The following AQR variants were observed in gnomAD, a reference collection of about 807,000 sequenced individuals.
AQR encodes RNA helicase aquarius.
Under a neutral mutation model 180.5 loss-of-function variants are expected in AQR, and 61 were observed. The ratio of observed to expected loss-of-function variants is 0.34; its 90% CI spans 0.28 to 0.42. AQR has a LOEUF of 0.42. Among genes scored for constraint, AQR ranks in the 10% least tolerant of loss-of-function variants. The probability of loss-of-function intolerance (pLI) is 1.00; values close to 1 mark genes in which losing one functional copy is unlikely to be tolerated. For synonymous variants in AQR, 551 were observed against 588.8 expected (o/e 0.94, Z 0.93); for missense variants, 1,281 against 1,798.3 (o/e 0.71, Z 5.20).
chr15:34,935,127 T>A (rs1006380941), intron 9 of AQR, among the ~76,000 whole-genome samples: 8 of 152,090 alleles, frequency 5.3e-5, no homozygotes, highest in African/African-American at 1.9e-4. Flanking sequence ...ATTTTTATTA[T>A]TTTTTTCCAC....
intron 10 of AQR, among the ~76,000 whole-genome samples, chr15:34,933,304 A>C (rs1566992243): frequency 6.6e-6 from 1 of 152,184 alleles, no homozygotes; most frequent in Admixed American, 6.5e-5. Context: ...GCTAATACTC[A>C]TATCAAAAAA....
chr15:34,960,701 C>T, intron 3 of AQR, 73 bp downstream of exon 3: 1 of 668,248 alleles, frequency 1.5e-6, no homozygotes, highest in Non-Finnish European at 2.5e-6. Context: ...GTTATGATCA[C>T]ATTTAGAAGT....
At chr15:34,953,512 T>G (rs1397885535) in intron 3 of AQR, among the ~76,000 whole-genome samples, 4 of 152,240 alleles carry the variant, frequency 2.6e-5, no homozygotes, top group Non-Finnish European at 5.9e-5. Flanking sequence ...ACCACTATCC[T>G]GTCAAAAATC....
Position 34,884,507 on chromosome 15 carries a change from G to T in AQR, c.3027+18C>A, listed in dbSNP as rs759213466. On this transcript the variant is annotated intron_variant, in intron 26 of 34. Transcript: ENST00000156471. ...AAAAACCACTAAAGGGAAGTTCAAA[G>T]AACTTGAGAATCCTTACCTCAAGCT... The T allele has an allele frequency of 1.3e-6, 2 of 1,541,128 alleles. No homozygotes were observed. Among genetic ancestry groups the T allele is most frequent in the Non-Finnish European group, 1.7e-6 (2 of 1,144,944 alleles).
In AQR at chr15:34,886,558, A is replaced by G; in HGVS notation, c.2785T>C (p.Cys929Arg). The change falls in exon 25 of 35, where the codon TGT becomes CGT. Residue 929 changes from cysteine to arginine, a missense_variant. Transcript: ENST00000156471. The part of the protein sequence containing the change: ...LGVPGDASYT[C>R]ETAGYFFLYQ... ...AAGAAGAAATAGCCTGCAGTTTCAC[A>G]GGTATATGAGGCATCTCCTGGAACC... The G allele has an allele frequency of 1.2e-6, 2 of 1,609,820 alleles. No individual in the cohort carries two copies. Among genetic ancestry groups the G allele is most frequent in the East Asian group, 2.2e-5 (1 of 44,804 alleles).
At position 34,964,410 on chromosome 15, in the gene AQR, G is replaced by A. The variant is rs553509454; in HGVS notation, c.76-120C>T. 7.6e-4 allele frequency: 643 copies of A among 843,420 alleles called. 3 individuals carry two copies. In the African/African-American group the frequency reaches 9.6e-3, roughly 13 times the overall value. 52.2% of individuals were successfully genotyped at this position (843,420 alleles called of 1,614,324 possible). On this transcript the variant is annotated intron_variant, in intron 1 of 34. Transcript: ENST00000156471. The stretch of plus-strand genomic sequence containing the variant: ...GCCCTACTCGGCACTGGGGGACAGA[G>A]TATATCTGAAGGCACTACACAGGCA...
chr15:34,960,580 A>C lies in AQR; in HGVS notation c.173+194T>G, dbSNP rs138421330. Among the ~76,000 whole-genome samples, 812 of 152,274 alleles carry C rather than the reference A, an allele frequency of 5.3e-3. 10 individuals carry two copies. The highest frequency in any genetic ancestry group is 0.018 in the African/African-American group (768 of 41,556). On this transcript the variant is annotated intron_variant, in intron 3 of 34. Transcript: ENST00000156471. ...AAACCCTATGGGATTTGATACCTCT[A>C]ATCTGAGCCAAAAGTTAGAAGGCAA...
At chr15:34,875,729 G>GTAC (rs1467661478) in intron 28 of AQR, among the ~76,000 whole-genome samples, 1 of 152,034 alleles carries the variant, frequency 6.6e-6, no homozygotes, top group African/African-American at 2.4e-5. Flanking sequence ...ATTTTAAATA[G>GTAC]TACTTCTCGA....
chr15:34,912,644 GAA>G (rs910267939), intron 16 of AQR, among the ~76,000 whole-genome samples: 1 of 142,720 alleles, frequency 7.0e-6, no homozygotes, highest in Non-Finnish European at 1.5e-5. Flanking sequence ...GGATTGGAAG[GAA>G]AAAAAAAAAC....
At chr15:34,944,457 T>C (rs1894079295) in intron 5 of AQR, 29 bp from the exon 6 acceptor site, 2 of 1,574,704 alleles carry the variant, frequency 1.3e-6, no homozygotes, top group Non-Finnish European at 1.7e-6. Flanking sequence ...AAATTCATTT[T>C]GTATTGGCTT....
chr15:34,862,783 C>T, intron 33 of AQR, 84 bp downstream of exon 33: 1 of 1,402,672 alleles, frequency 7.1e-7, no homozygotes, highest in East Asian at 2.3e-5. Flanking sequence ...TAATAATGTT[C>T]CAAGCTAATG....
At chr15:34,952,979 A>G in intron 3 of AQR, 59 bp from the exon 4 acceptor site, 1 of 968,726 alleles carries the variant, frequency 1.0e-6, no homozygotes, top group Non-Finnish European at 1.5e-6. Flanking sequence ...TTTCAGAGTT[A>G]TTAACACAAA....
At chr15:34,890,099 T>A in intron 24 of AQR, 116 bp downstream of exon 24, 1 of 869,244 alleles carries the variant, frequency 1.2e-6, no homozygotes, top group Non-Finnish European at 1.7e-6. Context: ...GTAAGTTAAG[T>A]TAGAACCTTT....
Position 34,853,800 on chromosome 15 carries a change from TTTTCC to T in AQR, c.*2987_*2991del, listed in dbSNP as rs1396449718. ...TCCTGTCCCAAATCCAAACAGATCT[TTTTCC>T]TTTATTTACAGATAAAGAAAATGGG... On this transcript the variant is annotated 3_prime_UTR_variant, in exon 35 of 35. Coordinates refer to ENST00000156471, the MANE Select transcript of AQR (RefSeq NM_014691.3). The T allele has an allele frequency of 6.6e-6, 1 of 152,214 alleles. No individual in the cohort carries two copies. The highest frequency in any genetic ancestry group is 1.5e-5 in the Non-Finnish European group (1 of 68,032). The allele number at this position is 152,214 out of a possible 1,614,324, so 9.4% of individuals were successfully genotyped here. A position where few individuals can be genotyped will look rare whatever the true frequency, so the allele number is the denominator to read the frequency against.
Position 34,940,906 on chromosome 15 carries a change from T to C in AQR, c.634A>G (p.Arg212Gly), listed in dbSNP as rs768611371. 6.2e-6 allele frequency: 10 copies of C among 1,604,078 alleles called. No homozygotes were observed. Among genetic ancestry groups the C allele is most frequent in the Non-Finnish European group, 8.5e-6 (10 of 1,173,118 alleles). Residue 212 changes from arginine to glycine, a missense_variant, in exon 8 of 35, where the codon AGA becomes GGA. Physicochemically the swap from Arg to Gly is moderately radical, Grantham distance 125. Around this residue, in one of 9 missense-constraint regions of AQR, gnomAD observed 404 missense variants for 490.9 expected, o/e 0.82. Coordinates refer to ENST00000156471, the MANE Select transcript of AQR (RefSeq NM_014691.3). ...GAAGCTCTGCCAACATACTGTTCTC[T>C]TGCTTCTGGATCCATCTTTTCATCA... is the stretch of plus-strand genomic sequence containing the variant. ...KNDEKMDPEA[R>G]EQAYQERRFL... is the part of the protein sequence containing the mutation.
intron 15 of AQR, among the ~76,000 whole-genome samples, chr15:34,917,912 G>C (rs2140484953): frequency 6.6e-6 from 1 of 151,786 alleles, no homozygotes; most frequent in Non-Finnish European, 1.5e-5. Context: ...TGAGCCCAGA[G>C]ACTGAGGCTG....
intron 5 of AQR, among the ~76,000 whole-genome samples, chr15:34,945,632 G>C (rs933056758): frequency 6.6e-6 from 1 of 152,130 alleles, no homozygotes; most frequent in African/African-American, 2.4e-5. Context: ...TCTCTTGATA[G>C]TGACATAAAA....
chr15:34,908,466 A>C (rs1449555630), intron 17 of AQR, among the ~76,000 whole-genome samples: 1 of 152,074 alleles, frequency 6.6e-6, no homozygotes, highest in Non-Finnish European at 1.5e-5. Flanking sequence ...TTGTTTACAG[A>C]ATCTCTCCTT....
At chr15:34,873,764 T>C (rs141632217) in intron 30 of AQR, 64 bp downstream of exon 30, 151 of 1,352,228 alleles carry the variant, frequency 1.1e-4, no homozygotes, top group Non-Finnish European at 1.4e-4. Flanking sequence ...TAAGTATCAC[T>C]GATTTAGGCA....
Sources: allele counts gnomAD v4.1 joint callset (sites outside exome capture counted in the v4.1 genomes callset), GRCh38; gene constraint gnomAD v4.1.1; regional missense constraint gnomAD v4.1.1; transcripts MANE v1.5; gene names NCBI Gene and HGNC (gene_info 2026-07-23, HGNC 2026-07-21).